BICC1: variants seen among roughly 807,000 people sequenced by gnomAD.
BICC1 encodes the protein protein bicaudal C homolog 1.
In BICC1, 43 loss-of-function variants were observed where a neutral mutation model predicts 111.0. The ratio of observed to expected loss-of-function variants is 0.39; its 90% CI spans 0.30 to 0.50. BICC1 has a LOEUF of 0.50. Among genes scored for constraint, BICC1 ranks in the 20% least tolerant of loss-of-function variants. The pLI, the probability that BICC1 is intolerant of heterozygous loss-of-function variation, is 0.88. For synonymous variants in BICC1, 467 were observed against 434.4 expected, an observed-to-expected ratio of 1.07 and a Z score of -0.93; for missense variants, 1,091 against 1,203.2, an observed-to-expected ratio of 0.91 and a Z score of 1.38.
intron 1 of BICC1, among the ~76,000 whole-genome samples, chr10:58,531,772 A>G (rs1019293418): frequency 1.3e-5 from 2 of 151,844 alleles, no homozygotes; most frequent in South Asian, 2.1e-4. Flanking sequence ...GCTGAAGAAT[A>G]CAGTAACTGA....
chr10:58,760,939 AG>A (rs1842296969), intron 3 of BICC1, among the ~76,000 whole-genome samples: 1 of 152,170 alleles, frequency 6.6e-6, no homozygotes, highest in Non-Finnish European at 1.5e-5. Flanking sequence ...AGGACCCCAA[AG>A]GGTGTTCTCT....
At chr10:58,765,218 A>AT (rs1272767131) in intron 3 of BICC1, among the ~76,000 whole-genome samples, 6 of 151,180 alleles carry the variant, frequency 4.0e-5, no homozygotes, top group South Asian at 2.1e-4. Flanking sequence ...AGCCTGGCTA[A>AT]TTTTTTTTTC....
At position 58,638,662 on chromosome 10, in the gene BICC1, A is replaced by T. The variant is rs1300769218; in HGVS notation, c.237+17761A>T. Among the ~76,000 whole-genome samples the T allele has an allele frequency of 2.0e-5, 3 of 152,212 alleles. No homozygotes were observed. In the East Asian group the frequency reaches 5.8e-4, roughly 29 times the overall value. ...TTGTGGCAGGGGGTGATGAGAAAGG[A>T]TGCCCAGAGGCTACTTGTACCAATA... On this transcript the variant is annotated intron_variant, in intron 2 of 20. Transcript: ENST00000373886.
intron 17 of BICC1, among the ~76,000 whole-genome samples, 187 bp from the exon 18 acceptor site, chr10:58,813,643 C>T (rs1289114465): frequency 6.6e-6 from 1 of 152,162 alleles, no homozygotes; most frequent in African/African-American, 2.4e-5. Context: ...TACCAAGTGT[C>T]CTTGGTGCTG....
chr10:58,802,979 G>A (rs1641218041), intron 14 of BICC1, 98 bp from the exon 15 acceptor site: 1 of 1,185,364 alleles, frequency 8.4e-7, no homozygotes, highest in South Asian at 2.1e-5. Context: ...GTAAATAGCT[G>A]ATGATGATAA....
Position 58,716,020 on chromosome 10 carries a change from A to G in BICC1, c.307+13877A>G, listed in dbSNP as rs529922187. ...AGAAACTGAATCAGACAGTAAGGATAGTTTAAAAAAGAAAAAGAAGTCAAA... is the reference window on the plus strand; with the variant it reads ...AGAAACTGAATCAGACAGTAAGGATGGTTTAAAAAAGAAAAAGAAGTCAAA... On this transcript the variant is annotated intron_variant, in intron 3 of 20. Transcript: ENST00000373886. 3.6e-5 allele frequency: 51 copies of G among 1,405,404 alleles called. No individual in the cohort carries two copies. In the African/African-American group the frequency reaches 6.8e-4, roughly 19 times the overall value. 87.1% of individuals were successfully genotyped at this position (1,405,404 alleles called of 1,614,324 possible).
intron 2 of BICC1, among the ~76,000 whole-genome samples, chr10:58,626,908 C>T (rs553766130): frequency 3.3e-5 from 5 of 152,210 alleles, no homozygotes; most frequent in African/African-American, 1.2e-4. Flanking sequence ...AGTTCGAGAC[C>T]AGCCTGACCA....
chr10:58,624,079 T>C (rs1845910579), intron 2 of BICC1, among the ~76,000 whole-genome samples: 1 of 152,202 alleles, frequency 6.6e-6, no homozygotes, highest in South Asian at 2.1e-4. Flanking sequence ...GAGAATCTGT[T>C]CCATGCCTTT....
intron 1 of BICC1, among the ~76,000 whole-genome samples, chr10:58,556,042 T>C (rs897886596): frequency 2.0e-5 from 3 of 152,152 alleles, no homozygotes; most frequent in Non-Finnish European, 4.4e-5. Context: ...AGAAGCCTAT[T>C]TGTAAGATTG....
At chr10:58,560,700 G>C (rs1172597301) in intron 1 of BICC1, among the ~76,000 whole-genome samples, 1 of 151,870 alleles carries the variant, frequency 6.6e-6, no homozygotes, top group Non-Finnish European at 1.5e-5. Context: ...GCTGTAAACT[G>C]TTTTCTTAGT....
intron 3 of BICC1, among the ~76,000 whole-genome samples, chr10:58,748,538 GA>G (rs1841899251): frequency 6.6e-6 from 1 of 151,462 alleles, no homozygotes; most frequent in East Asian, 2.0e-4. Context: ...TTCAGAATTC[GA>G]TTTTTATCTT....
At position 58,524,079 on chromosome 10, in the gene BICC1, T is replaced by C. The variant is rs1179036687; in HGVS notation, c.190+10746T>C. ...TACAAACAAATGGAAGAACATTCCA[T>C]GCTCATGGGTAGGAAGACTCAATAT... On this transcript the variant is annotated intron_variant, in intron 1 of 20. Transcript: ENST00000373886. 3.9e-5 allele frequency among the ~76,000 whole-genome samples: 6 copies of C among 152,288 alleles called. No individual in the cohort carries two copies. In the East Asian group the frequency reaches 9.7e-4, roughly 25 times the overall value.
chr10:58,679,689 G>C (rs368434216), intron 2 of BICC1, among the ~76,000 whole-genome samples: 1 of 152,162 alleles, frequency 6.6e-6, no homozygotes, highest in Non-Finnish European at 1.5e-5. Context: ...CATTTTATGA[G>C]ATCAGCATCA....
At chr10:58,708,002 A>ATTT (rs71467049) in intron 3 of BICC1, among the ~76,000 whole-genome samples, 35,015 of 108,122 alleles carry the variant, frequency 0.32, 10,205 homozygotes, top group African/African-American at 0.48. Context: ...TAGCCAGCTA[A>ATTT]TTTTTTTTTT....
At chr10:58,698,635 A>G (rs1222039971) in intron 2 of BICC1, among the ~76,000 whole-genome samples, 2 of 152,114 alleles carry the variant, frequency 1.3e-5, no homozygotes, top group Non-Finnish European at 2.9e-5. Context: ...CAAGGTAGGA[A>G]TTATCTTGTT....
In BICC1 at chr10:58,824,081, G is replaced by A. The variant is rs116021156; in HGVS notation, c.2794+3613G>A. Reference sequence around the variant, plus strand: ...TTGGCATGTTAAAATAGCAAATAAAGCTCTGTTATCTGGCATACTTGGAAC... The same window carrying A: ...TTGGCATGTTAAAATAGCAAATAAAACTCTGTTATCTGGCATACTTGGAAC... On this transcript the variant is annotated intron_variant, in intron 20 of 20. Coordinates refer to ENST00000373886, the MANE Select transcript of BICC1 (RefSeq NM_001080512.3). The A allele has an allele frequency of 1.8e-3, 1,787 of 984,170 alleles. 25 individuals carry two copies. The African/African-American group carries it at 0.028, about 15-fold the overall frequency. 61.0% of individuals were successfully genotyped at this position (984,170 alleles called of 1,614,324 possible). A position where few individuals can be genotyped will look rare whatever the true frequency, so the allele number is the denominator to read the frequency against.
intron 1 of BICC1, among the ~76,000 whole-genome samples, chr10:58,555,305 C>CTTTTT (rs1564485963): frequency 1.1e-4 from 10 of 93,822 alleles, no homozygotes; most frequent in African/African-American, 3.5e-4. Context: ...GGCTGTTGGA[C>CTTTTT]ATTTTTTTTT....
intron 1 of BICC1, among the ~76,000 whole-genome samples, chr10:58,596,636 A>G (rs924359297): frequency 1.3e-5 from 2 of 152,216 alleles, no homozygotes; most frequent in Non-Finnish European, 2.9e-5. Context: ...TGCAGATGAC[A>G]TGATTGTGTA....
intron 2 of BICC1, among the ~76,000 whole-genome samples, chr10:58,627,955 CT>C (rs1837680462): frequency 6.6e-6 from 1 of 152,062 alleles, no homozygotes; most frequent in Non-Finnish European, 1.5e-5. Context: ...AAAAATCATA[CT>C]TTTTGGAAAT....
Sources: allele counts gnomAD v4.1 joint callset (sites outside exome capture counted in the v4.1 genomes callset), GRCh38; gene constraint gnomAD v4.1.1; transcripts MANE v1.5; gene names NCBI Gene and HGNC (gene_info 2026-07-23, HGNC 2026-07-21).